The following BDH1 variants were observed in gnomAD, a reference collection of about 807,000 sequenced individuals.
The protein encoded by BDH1 is 3-hydroxybutyrate dehydrogenase 1.
In BDH1, 30 loss-of-function variants were observed where a neutral mutation model predicts 33.1. The observed-to-expected ratio is 0.91, with a 90% CI of 0.68 to 1.23. BDH1 has a LOEUF of 1.23. Ranked by LOEUF, BDH1 falls within the 50% of genes most tolerant of loss-of-function variation. BDH1 has a pLI of 0.00. For missense variants in BDH1, 443 were observed against 464.4 expected, an observed-to-expected ratio of 0.95 and a Z score of 0.42; for synonymous variants, 190 against 183.6, an observed-to-expected ratio of 1.03 and a Z score of -0.28.
In BDH1 at chr3:197,512,176, C is replaced by G. The variant is rs1238932681; in HGVS notation, c.751G>C (p.Glu251Gln). 6.2e-7 allele frequency: 1 copy of G among 1,614,156 alleles called. No homozygotes were observed. Among genetic ancestry groups the G allele is most frequent in the Non-Finnish European group, 8.5e-7 (1 of 1,180,028 alleles). The change falls in exon 8 of 8, where the codon GAG becomes CAG. Residue 251 changes from glutamate (E) to glutamine (Q), a missense_variant. Glu to Gln is a conservative substitution (Grantham distance 29, BLOSUM62 2). Transcript: ENST00000392379. ...TTCTTGGCGATGGCCTGAATGCTCT[C>G]AGGGCTGTAAAGGCTGGTGGCAGCG... is the stretch of plus-strand genomic sequence containing the variant. ...FIAATSLYSPESIQAIAKKMW... is the reference protein window; with the variant it reads ...FIAATSLYSPQSIQAIAKKMW...
intron 2 of BDH1, among the ~76,000 whole-genome samples, chr3:197,550,583 G>A (rs1169804228): frequency 1.3e-5 from 2 of 152,232 alleles, no homozygotes; most frequent in Non-Finnish European, 2.9e-5. Flanking sequence ...CCCTGGCACC[G>A]TGAGAGAATG....
chr3:197,522,587 GC>G lies in BDH1; in HGVS notation c.409+52del. 1 of 1,604,852 alleles carries G rather than the reference GC, an allele frequency of 6.2e-7. No individual in the cohort carries two copies. The stretch of plus-strand genomic sequence containing the variant: ...CAGTGGAAGGTGGTGTTCGGCAAGT[GC>G]CCCTTGGAATGGCCCCATACACAAC... On this transcript the variant is annotated intron_variant, in intron 6 of 7. Transcript: ENST00000392379. The surrounding 1 kb of genome is among the most constrained non-coding windows in gnomAD (Gnocchi z 4.8).
rs938765259 is a variant in BDH1 at position 197,523,235 on chromosome 3, A to G, written c.268-454T>C. ...TTACACACATTTAAAAAAAAAAACAAAAAAACACTGTGAAGGCCAAAGCAC... is the reference window on the plus strand; with the variant it reads ...TTACACACATTTAAAAAAAAAAACAGAAAAACACTGTGAAGGCCAAAGCAC... On this transcript the variant is annotated intron_variant, in intron 5 of 7. Transcript: ENST00000392379. This position sits in a 1 kb window ranked among gnomAD's most constrained non-coding sequence, Gnocchi z 4.5. 6.4e-6 allele frequency: 1 copy of G among 156,822 alleles called. No individual in the cohort carries two copies. The highest frequency in any genetic ancestry group is 2.4e-5 in the African/African-American group (1 of 41,594). 9.7% of individuals were successfully genotyped at this position (156,822 alleles called of 1,614,324 possible).
chr3:197,512,359 C>G lies in BDH1; in HGVS notation c.568G>C (p.Val190Leu), dbSNP rs752915471. The G allele has an allele frequency of 1.2e-6, 2 of 1,602,896 alleles. No individual in the cohort carries two copies. Among genetic ancestry groups the G allele is most frequent in the East Asian group, 2.2e-5 (1 of 44,820 alleles). The change falls in exon 8 of 8, where the codon GTC (valine) becomes CTC (leucine). Residue 190 changes from valine (V) to leucine (L), a missense_variant. Physicochemically the swap from Val to Leu is conservative, Grantham distance 32. Coordinates refer to ENST00000392379, the MANE Select transcript of BDH1 (RefSeq NM_203314.3). ...LPLIRRAKGR[V>L]VNISSMLGRM... ...CCCAGCATGCTGCTGATATTGACGA[C>G]GCGGCCTACAGAGGGAGACAGAGGT...
At chr3:197,542,528 T>G (rs1471102630) in intron 3 of BDH1, among the ~76,000 whole-genome samples, 1 of 144,442 alleles carries the variant, frequency 6.9e-6, no homozygotes, top group Non-Finnish European at 1.5e-5. Flanking sequence ...TTGCTTTTTT[T>G]TTTTTTTTTT....
chr3:197,524,992 G>A (rs572682447), intron 5 of BDH1, among the ~76,000 whole-genome samples: 5 of 152,284 alleles, frequency 3.3e-5, no homozygotes, highest in Admixed American at 2.0e-4. Context: ...CCAGGCCGGA[G>A]GCTCGATGGT....
chr3:197,515,224 C>G (rs1712570030), intron 6 of BDH1: 1 of 935,176 alleles, frequency 1.1e-6, no homozygotes, highest in African/African-American at 1.8e-5. Context: ...CCTCTGGTGC[C>G]TTCTCCTTCA....
Position 197,512,041 on chromosome 3 carries a change from A to T in BDH1, c.886T>A (p.Ser296Thr), listed in dbSNP as rs1214390697. 6.8e-6 allele frequency: 11 copies of T among 1,613,946 alleles called. No individual in the cohort carries two copies. Among genetic ancestry groups the T allele is most frequent in the Non-Finnish European group, 8.5e-6 (10 of 1,180,018 alleles). The stretch of plus-strand genomic sequence containing the variant: ...TGTGTGACAGCATCGATGACAGGGG[A>T]CGTGTCTGTGGAGCCACTGCTGCAG... ...TYCSSGSTDT[S>T]PVIDAVTHAL... Residue 296 changes from serine (S) to threonine (T), a missense_variant, in exon 8 of 8, where the codon TCC becomes ACC. Ser to Thr is a moderately conservative substitution (Grantham distance 58). Transcript: ENST00000392379.
At chr3:197,566,763 G>A (rs1055711119) in intron 1 of BDH1, among the ~76,000 whole-genome samples, 13 of 152,102 alleles carry the variant, frequency 8.5e-5, no homozygotes, top group African/African-American at 3.1e-4. Context: ...ATTTTTTAAA[G>A]TTTGAACTGA....
In BDH1 at chr3:197,516,393, T is replaced by C. The variant is rs1213053947; in HGVS notation, c.410-1977A>G. Among the ~76,000 whole-genome samples, 3 of 152,184 alleles carry C rather than the reference T, an allele frequency of 2.0e-5. No individual in the cohort carries two copies. The highest frequency in any genetic ancestry group is 4.4e-5 in the Non-Finnish European group (3 of 68,030). On this transcript the variant is annotated intron_variant, in intron 6 of 7. Coordinates refer to ENST00000392379, the MANE Select transcript of BDH1 (RefSeq NM_203314.3). The surrounding 1 kb of genome is among the most constrained non-coding windows in gnomAD (Gnocchi z 4.2). ...CTATCCAAAAAAGTTTAATGAAACA[T>C]GACCTGTGAAAGTGCACAGCCCCTG...
In BDH1 at chr3:197,510,365, G is replaced by A. The variant is rs922739311; in HGVS notation, c.*1530C>T. On this transcript the variant is annotated 3_prime_UTR_variant, in exon 8 of 8. Coordinates refer to ENST00000392379, the MANE Select transcript of BDH1 (RefSeq NM_203314.3). The stretch of plus-strand genomic sequence containing the variant: ...AGGGAGAGGCGGAAACGCGGAGTCT[G>A]ATTCGAAGGCGGGCACTGGGGACCC... 3 of 152,270 alleles carry A rather than the reference G, an allele frequency of 2.0e-5. No homozygotes were observed. Among genetic ancestry groups the A allele is most frequent in the Non-Finnish European group, 1.5e-5 (1 of 68,116 alleles). The allele number at this position is 152,270 out of a possible 1,614,324, so 9.4% of individuals were successfully genotyped here.
At position 197,522,825 on chromosome 3, in the gene BDH1, C is replaced by A; in HGVS notation, c.268-44G>T. ...CTGCTTCTACCTCCTTCCTTCCCAC[C>A]CTGAGGCAGACCCTGAGGACTCCTG... On this transcript the variant is annotated intron_variant, in intron 5 of 7. Coordinates refer to ENST00000392379, the MANE Select transcript of BDH1 (RefSeq NM_203314.3). This position sits in a 1 kb window ranked among gnomAD's most constrained non-coding sequence, Gnocchi z 4.8. 1 of 1,602,634 alleles carries A rather than the reference C, an allele frequency of 6.2e-7. No individual in the cohort carries two copies. The highest frequency in any genetic ancestry group is 8.5e-7 in the Non-Finnish European group (1 of 1,172,700).
intron 1 of BDH1, among the ~76,000 whole-genome samples, chr3:197,567,868 G>A (rs2108777133): frequency 6.6e-6 from 1 of 152,306 alleles, no homozygotes; most frequent in Admixed American, 6.5e-5. Flanking sequence ...GTTCAGGATA[G>A]GCTTTGTAGA....
At position 197,529,160 on chromosome 3, in the gene BDH1, G is replaced by A. The variant is rs1714413246; in HGVS notation, c.267+3252C>T. The A allele has an allele frequency of 2.0e-5, 3 of 152,330 alleles. No homozygotes were observed. The South Asian group carries it at 6.2e-4, about 32-fold the overall frequency. The allele number at this position is 152,330 out of a possible 1,614,324, so 9.4% of individuals were successfully genotyped here. ...AGAGCGACAGCCTTTCAGGAAAGCA[G>A]TTTGGGGATTTGAACAAAACCTAAA... On this transcript the variant is annotated intron_variant, in intron 5 of 7. Coordinates refer to ENST00000392379, the MANE Select transcript of BDH1 (RefSeq NM_203314.3).
chr3:197,566,299 C>A (rs1717430313), intron 1 of BDH1, among the ~76,000 whole-genome samples: 1 of 152,176 alleles, frequency 6.6e-6, no homozygotes, highest in African/African-American at 2.4e-5. Flanking sequence ...CTTATGGAGG[C>A]AATAAAAGCC....
chr3:197,525,189 C>T lies in BDH1; in HGVS notation c.268-2408G>A, dbSNP rs1411043715. ...GTGGTGCCTGCAGACCCCTCTCTTC[C>T]ACAGGCGGCACACAGGTACCAGGAA... On this transcript the variant is annotated intron_variant, in intron 5 of 7. Coordinates refer to ENST00000392379, the MANE Select transcript of BDH1 (RefSeq NM_203314.3). The surrounding 1 kb of genome is among the most constrained non-coding windows in gnomAD (Gnocchi z 4.9). Among the ~76,000 whole-genome samples the T allele has an allele frequency of 6.6e-6, 1 of 152,184 alleles. No individual in the cohort carries two copies. Among genetic ancestry groups the T allele is most frequent in the Non-Finnish European group, 1.5e-5 (1 of 68,032 alleles).
At chr3:197,556,044 C>T (rs527967822), upstream of BDH1, 17 of 152,424 alleles carry the variant, frequency 1.1e-4, no homozygotes, top group African/African-American at 3.6e-4. Context: ...CGAGCCGCCT[C>T]CTCCGCGCTG....
At chr3:197,549,688 C>T (rs768244076) in intron 2 of BDH1, among the ~76,000 whole-genome samples, 14 of 152,230 alleles carry the variant, frequency 9.2e-5, no homozygotes, top group Non-Finnish European at 1.6e-4. Flanking sequence ...AGAGACCTCA[C>T]ACTGAAGAGC....
rs191589161 is a variant in BDH1 at position 197,548,679 on chromosome 3, T to C, written c.-43-2193A>G. On this transcript the variant is annotated intron_variant, in intron 2 of 7. Transcript: ENST00000392379. Reference sequence around the variant, plus strand: ...CAGCCTGGCTGACATGGTGAAACCCTGTCTCTACTAAAAATACAAAAAATA... The same window carrying C: ...CAGCCTGGCTGACATGGTGAAACCCCGTCTCTACTAAAAATACAAAAAATA... 4.9e-3 allele frequency among the ~76,000 whole-genome samples: 734 copies of C among 151,324 alleles called. 7 individuals carry two copies. Among genetic ancestry groups the C allele is most frequent in the African/African-American group, 0.017 (699 of 41,182 alleles).
Sources: allele counts gnomAD v4.1 joint callset (sites outside exome capture counted in the v4.1 genomes callset), GRCh38; gene constraint gnomAD v4.1.1; non-coding constraint Gnocchi (gnomAD v3.1); transcripts MANE v1.5; gene names NCBI Gene and HGNC (gene_info 2026-07-23, HGNC 2026-07-21).